NAV3: variants seen among roughly 807,000 people sequenced by gnomAD.
The protein encoded by NAV3 is pore membrane and/or filament interacting like protein 1.
NAV3 carries 87 observed loss-of-function variants against 244.7 expected under a neutral mutation model. The ratio of observed to expected loss-of-function variants is 0.36; its 90% CI spans 0.30 to 0.42. The LOEUF is 0.42. NAV3 is among the 20% of genes least tolerant of loss of function. The pLI, the probability that NAV3 is intolerant of heterozygous loss-of-function variation, is 1.00. For synonymous variants in NAV3, 1,126 were observed against 1,042.2 expected (o/e 1.08, Z -1.55); for missense variants, 2,663 against 2,893.3 (o/e 0.92, Z 1.83).
intron 2 of NAV3, among the ~76,000 whole-genome samples, chr12:77,717,898 C>T (rs1022607503): frequency 7.2e-5 from 11 of 152,016 alleles, no homozygotes; most frequent in Admixed American, 5.9e-4. Flanking sequence ...CTATTGAAAC[C>T]CTTTGCCCAT....
chr12:77,639,219 G>T (rs1872287929), intron 2 of NAV3, among the ~76,000 whole-genome samples: 1 of 152,102 alleles, frequency 6.6e-6, no homozygotes, highest in South Asian at 2.1e-4. Flanking sequence ...CATCTTGTAT[G>T]TTTTAAGGAC....
At chr12:78,170,892 T>A (rs1353059650) in intron 24 of NAV3, among the ~76,000 whole-genome samples, 1 of 151,682 alleles carries the variant, frequency 6.6e-6, no homozygotes, top group Non-Finnish European at 1.5e-5. Context: ...CAGCAATACT[T>A]CCCTTCTTAA....
intron 12 of NAV3, among the ~76,000 whole-genome samples, chr12:78,070,515 A>G (rs1566089863): frequency 6.6e-6 from 1 of 152,098 alleles, no homozygotes; most frequent in Non-Finnish European, 1.5e-5. Context: ...AGAACAGGTT[A>G]ATCATAGTGA....
intron 8 of NAV3, among the ~76,000 whole-genome samples, chr12:78,019,774 G>A (rs1876840687): frequency 6.6e-6 from 1 of 152,050 alleles, no homozygotes; most frequent in Non-Finnish European, 1.5e-5. Flanking sequence ...CATCCCATAG[G>A]TTGCGTGGGA....
intron 1 of NAV3, among the ~76,000 whole-genome samples, chr12:77,832,867 C>T (rs970881564): frequency 1.3e-5 from 2 of 152,136 alleles, no homozygotes; most frequent in African/African-American, 4.8e-5. Flanking sequence ...TCAAGCTTTC[C>T]AAAGTCACAG....
chr12:77,627,361 A>T (rs975058801), intron 2 of NAV3, among the ~76,000 whole-genome samples: 7 of 152,168 alleles, frequency 4.6e-5, no homozygotes, highest in African/African-American at 1.7e-4. Context: ...TAAAGATGAA[A>T]TTGATAAACT....
At chr12:77,889,153 T>C (rs1340870441) in intron 1 of NAV3, among the ~76,000 whole-genome samples, 1 of 152,176 alleles carries the variant, frequency 6.6e-6, no homozygotes, top group East Asian at 1.9e-4. Flanking sequence ...CTGGATGAGA[T>C]TAACATTTAA....
intron 2 of NAV3, among the ~76,000 whole-genome samples, chr12:77,676,311 G>A (rs1464254963): frequency 6.6e-6 from 1 of 151,972 alleles, no homozygotes; most frequent in Non-Finnish European, 1.5e-5. Context: ...CCTGAAAGGA[G>A]TGCTCCACCT....
At chr12:77,927,380 AAAC>A (rs1888325449) in intron 1 of NAV3, among the ~76,000 whole-genome samples, 1 of 152,164 alleles carries the variant, frequency 6.6e-6, no homozygotes, top group African/African-American at 2.4e-5. Flanking sequence ...CTCATAAATA[AAAC>A]ATTTCCTTTT....
chr12:78,188,162 C>A, intron 31 of NAV3, 86 bp from the exon 32 acceptor site: 2 of 1,003,448 alleles, frequency 2.0e-6, no homozygotes, highest in Non-Finnish European at 3.1e-6. Flanking sequence ...TTAACAACAA[C>A]TACATTAACT....
chr12:77,624,858 G>C (rs1871545638), intron 2 of NAV3, among the ~76,000 whole-genome samples: 1 of 152,084 alleles, frequency 6.6e-6, no homozygotes, highest in South Asian at 2.1e-4. Context: ...ATTTTAGATT[G>C]TATATTTTTC....
intron 2 of NAV3, among the ~76,000 whole-genome samples, chr12:77,753,325 A>G (rs966010999): frequency 2.0e-5 from 3 of 152,162 alleles, no homozygotes; most frequent in Non-Finnish European, 4.4e-5. Context: ...TTTCAATTGA[A>G]ATTTATGACT....
intron 12 of NAV3, among the ~76,000 whole-genome samples, chr12:78,106,392 A>C (rs1176714944): frequency 2.0e-5 from 3 of 152,232 alleles, no homozygotes; most frequent in African/African-American, 7.2e-5. Context: ...CAGGAATTAC[A>C]GACCATTGCT....
rs200724245 is a variant in NAV3, at chr12:78,058,769, A to G, written c.2517-227A>G. Among the ~76,000 whole-genome samples the G allele has an allele frequency of 2.0e-5, 3 of 152,172 alleles. No homozygotes were observed. In the East Asian group the frequency reaches 5.8e-4, roughly 29 times the overall value. ...CTAGTTACTTGTCGCAGTAACTACT[A>G]CTAGGAAATATTGATACAAATACTA... On this transcript the variant is annotated intron_variant, in intron 11 of 39. Transcript: ENST00000397909.
intron 2 of NAV3, among the ~76,000 whole-genome samples, chr12:77,639,756 G>A (rs696464): frequency 0.034 from 5,230 of 152,256 alleles, 95 homozygotes; most frequent in Middle Eastern, 0.048. Flanking sequence ...TAGGTGCCTG[G>A]AGAAGCACAA....
intron 2 of NAV3, among the ~76,000 whole-genome samples, chr12:77,627,738 T>G (rs1457532007): frequency 1.3e-5 from 2 of 152,188 alleles, no homozygotes; most frequent in African/African-American, 2.4e-5. Context: ...CCATGTCTAT[T>G]GCAGCACTAT....
At chr12:78,002,104 A>G (rs1047578978) in intron 7 of NAV3, among the ~76,000 whole-genome samples, 1 of 152,234 alleles carries the variant, frequency 6.6e-6, no homozygotes, top group Admixed American at 6.5e-5. Flanking sequence ...ACCTTAAGAA[A>G]TCATTCTTTT....
At chr12:77,905,392 T>C (rs1431625393) in intron 1 of NAV3, among the ~76,000 whole-genome samples, 2 of 152,108 alleles carry the variant, frequency 1.3e-5, no homozygotes, top group East Asian at 1.9e-4. Context: ...CTTCTCTTTA[T>C]AGGGAAAAAA....
intron 9 of NAV3, among the ~76,000 whole-genome samples, chr12:78,035,334 A>G (rs558897452): frequency 2.0e-5 from 3 of 152,284 alleles, no homozygotes; most frequent in Non-Finnish European, 4.4e-5. Flanking sequence ...TTGTGAGCAG[A>G]AAATCTTCAG....
Sources: allele counts gnomAD v4.1 joint callset (sites outside exome capture counted in the v4.1 genomes callset), GRCh38; gene constraint gnomAD v4.1.1; transcripts MANE v1.5; gene names NCBI Gene and HGNC (gene_info 2026-07-23, HGNC 2026-07-21).